PTPRM: variants seen among roughly 807,000 people sequenced by gnomAD.
PTPRM encodes the protein protein tyrosine phosphatase receptor type M.
A neutral mutation model predicts 186.7 loss-of-function variants in PTPRM; 47 were observed. That is an observed-to-expected ratio of 0.25 (90% CI 0.20 to 0.32). PTPRM has a LOEUF of 0.32. Among genes scored for constraint, PTPRM ranks in the 10% least tolerant of loss-of-function variants. PTPRM has a pLI of 1.00. For synonymous variants in PTPRM, 668 were observed against 674.9 expected (o/e 0.99, Z 0.16); for missense variants, 1,494 against 1,865.0 (o/e 0.80, Z 3.66).
intron 5 of PTPRM, among the ~76,000 whole-genome samples, chr18:7,929,005 C>G (rs2051328745): frequency 6.6e-6 from 1 of 152,160 alleles, no homozygotes; most frequent in African/African-American, 2.4e-5. Context: ...TACTATAGAA[C>G]AACTTGGAAG....
intron 19 of PTPRM, among the ~76,000 whole-genome samples, chr18:8,274,127 G>A (rs181430666): frequency 2.3e-4 from 35 of 152,090 alleles, no homozygotes; most frequent in African/African-American, 8.4e-4. Flanking sequence ...TTGTTGGTGG[G>A]GACTAAATCT....
chr18:8,293,326 A>G (rs1406525023), intron 19 of PTPRM, among the ~76,000 whole-genome samples: 2 of 152,234 alleles, frequency 1.3e-5, no homozygotes, highest in Non-Finnish European at 2.9e-5. Flanking sequence ...GATAACCACA[A>G]ATGCTGAAGA....
At chr18:7,769,291 C>T (rs1028515069) in intron 1 of PTPRM, among the ~76,000 whole-genome samples, 24 of 152,094 alleles carry the variant, frequency 1.6e-4, no homozygotes, top group Admixed American at 2.6e-4. Flanking sequence ...ATCTGCTTCA[C>T]GACTCTCCAG....
At chr18:7,629,774 T>C (rs1170456519) in intron 1 of PTPRM, among the ~76,000 whole-genome samples, 3 of 152,100 alleles carry the variant, frequency 2.0e-5, no homozygotes. Flanking sequence ...TGTGTGTGTG[T>C]GAATGTGCAG....
At chr18:8,149,061 T>G (rs1199447585) in intron 14 of PTPRM, among the ~76,000 whole-genome samples, 1 of 152,200 alleles carries the variant, frequency 6.6e-6, no homozygotes, top group Non-Finnish European at 1.5e-5. Flanking sequence ...GAGGAGAGTT[T>G]TACTTCAAAT....
intron 14 of PTPRM, among the ~76,000 whole-genome samples, chr18:8,209,213 A>G (rs1394323843): frequency 6.6e-6 from 1 of 152,158 alleles, no homozygotes; most frequent in African/African-American, 2.4e-5. Flanking sequence ...TGCTGTGTTA[A>G]GCATAGACCA....
At chr18:7,799,334 C>G (rs117450912) in intron 2 of PTPRM, among the ~76,000 whole-genome samples, 1,796 of 152,270 alleles carry the variant, frequency 0.012, 12 homozygotes, top group Admixed American at 0.018. Context: ...CCCAAGTGCC[C>G]CCCTTCTTCA....
At chr18:7,800,792 T>C (rs2043919524) in intron 2 of PTPRM, among the ~76,000 whole-genome samples, 1 of 152,220 alleles carries the variant, frequency 6.6e-6, no homozygotes, top group Admixed American at 6.5e-5. Flanking sequence ...ACATGTTGGC[T>C]GTATGGTATA....
chr18:7,786,379 A>G (rs2043097113), intron 2 of PTPRM, among the ~76,000 whole-genome samples: 1 of 152,196 alleles, frequency 6.6e-6, no homozygotes, highest in African/African-American at 2.4e-5. Context: ...TCAAATGACC[A>G]GTCCTTATTT....
rs181535008 is a variant in PTPRM, at chr18:7,900,997, C to T, written c.469-5508C>T. Among the ~76,000 whole-genome samples the T allele has an allele frequency of 2.0e-4, 31 of 152,246 alleles. 1 individual carries two copies. The East Asian group carries it at 4.8e-3, about 24-fold the overall frequency. On this transcript the variant is annotated intron_variant, in intron 3 of 32. Coordinates refer to ENST00000580170, the MANE Select transcript of PTPRM (RefSeq NM_001105244.2). ...CACATCCCCAGATCAATTTCTTACA[C>T]GTTTCTTTTTTCCTTTTCCAATGGT...
intron 13 of PTPRM, among the ~76,000 whole-genome samples, chr18:8,118,664 G>A (rs1420494301): frequency 6.6e-6 from 1 of 152,006 alleles, no homozygotes; most frequent in Non-Finnish European, 1.5e-5. Context: ...GCCGGGCGCA[G>A]TGGTGGGTGC....
chr18:7,618,923 C>A (rs540445588), intron 1 of PTPRM, among the ~76,000 whole-genome samples: 19 of 152,086 alleles, frequency 1.2e-4, no homozygotes, highest in African/African-American at 4.6e-4. Flanking sequence ...TTCTTTTTTA[C>A]CTTGGGAGAA....
chr18:7,675,683 A>G (rs1198390512), intron 1 of PTPRM, among the ~76,000 whole-genome samples: 1 of 151,578 alleles, frequency 6.6e-6, no homozygotes, highest in African/African-American at 2.4e-5. Flanking sequence ...GATATTCGGC[A>G]TCGTAGTAAA....
intron 14 of PTPRM, among the ~76,000 whole-genome samples, chr18:8,209,989 TAAAAAAAAA>T (rs67547673): frequency 5.5e-4 from 43 of 78,704 alleles, no homozygotes; most frequent in East Asian, 2.4e-3. Context: ...GAAGTAAAAT[TAAAAAAAAA>T]AAAAAAAAAA....
chr18:7,570,926 A>G (rs1426320581), intron 1 of PTPRM, among the ~76,000 whole-genome samples: 1 of 132,212 alleles, frequency 7.6e-6, no homozygotes, highest in Non-Finnish European at 1.6e-5. Context: ...GATGGATTTC[A>G]TTACAAAATT....
At chr18:8,248,041 G>A (rs967171728) in intron 16 of PTPRM, 109 bp from the exon 17 acceptor site, 8 of 1,356,700 alleles carry the variant, frequency 5.9e-6, no homozygotes, top group East Asian at 2.3e-5. Context: ...GTAACCCAAT[G>A]CGTTTCTACA....
At chr18:7,783,882 C>G (rs148903543) in intron 2 of PTPRM, among the ~76,000 whole-genome samples, 4 of 152,012 alleles carry the variant, frequency 2.6e-5, no homozygotes, top group Non-Finnish European at 5.9e-5. Context: ...ACTGGAATTA[C>G]AGGTGGAAGC....
At chr18:8,381,310 G>T (rs1356553504) in intron 29 of PTPRM, among the ~76,000 whole-genome samples, 3 of 140,974 alleles carry the variant, frequency 2.1e-5, no homozygotes, top group Non-Finnish European at 4.6e-5. Flanking sequence ...GAAAAAACTT[G>T]TTCTGGAAAT....
chr18:8,001,439 G>A (rs1012617546), intron 7 of PTPRM, among the ~76,000 whole-genome samples: 2 of 152,102 alleles, frequency 1.3e-5, no homozygotes, highest in Non-Finnish European at 2.9e-5. Context: ...GAATGGGTGT[G>A]TGTGTATCTG....
Sources: allele counts gnomAD v4.1 joint callset (sites outside exome capture counted in the v4.1 genomes callset), GRCh38; gene constraint gnomAD v4.1.1; transcripts MANE v1.5; gene names NCBI Gene and HGNC (gene_info 2026-07-23, HGNC 2026-07-21).